BRD10: variants seen among roughly 807,000 people sequenced by gnomAD.
BRD10 encodes bromodomain containing 10.
the BRD10 span, among the ~76,000 whole-genome samples, chr9:5,930,445 G>A: frequency 6.1e-5 from 9 of 148,254 alleles, no homozygotes; most frequent in South Asian, 2.1e-4. Context: ...CCTGTGTGAC[G>A]AACAGTACAG....
At chr9:5,924,993 T>C in the BRD10 span, 34 of 557,108 alleles carry the variant, frequency 6.1e-5, no homozygotes, top group Middle Eastern at 1.0e-3. Context: ...CTAAGATGCT[T>C]AGTTCAGTCT....
the BRD10 span, among the ~76,000 whole-genome samples, chr9:5,990,766 A>G: frequency 6.6e-6 from 1 of 152,236 alleles, no homozygotes; most frequent in Non-Finnish European, 1.5e-5. Context: ...GGAAGGAAAA[A>G]TTCTTAAACA....
chr9:6,008,190 G>A, the BRD10 span: 5 of 972,382 alleles, frequency 5.1e-6, no homozygotes, highest in African/African-American at 1.8e-5. Flanking sequence ...GGGCGAGGAG[G>A]AAGGGGGTTC....
chr9:5,985,645 T>C, the BRD10 span, among the ~76,000 whole-genome samples: 1 of 151,804 alleles, frequency 6.6e-6, no homozygotes, highest in Non-Finnish European at 1.5e-5. Flanking sequence ...ATTAGCCGGG[T>C]GTGGTGGTGC....
At chr9:5,913,822 A>T in the BRD10 span, 9 of 221,336 alleles carry the variant, frequency 4.1e-5, no homozygotes, top group South Asian at 4.8e-4. Context: ...AGAAAATCAA[A>T]TAAATCACTT....
chr9:5,935,181 CTT>C, the BRD10 span, among the ~76,000 whole-genome samples: 1 of 152,168 alleles, frequency 6.6e-6, no homozygotes, highest in African/African-American at 2.4e-5. Flanking sequence ...ATTATTTTCT[CTT>C]GATACTCTTA....
the BRD10 span, among the ~76,000 whole-genome samples, chr9:5,889,806 G>C: frequency 6.6e-6 from 1 of 152,000 alleles, no homozygotes; most frequent in African/African-American, 2.4e-5. Flanking sequence ...ATGTGTTTGA[G>C]CCTAGTTATA....
chr9:5,970,916 G>T, the BRD10 span, among the ~76,000 whole-genome samples: 482 of 152,050 alleles, frequency 3.2e-3, 2 homozygotes, highest in African/African-American at 0.011. Flanking sequence ...GCTGGGCATG[G>T]TGGCACATGC....
the BRD10 span, chr9:5,924,877 A>C: frequency 1.0e-5 from 14 of 1,348,658 alleles, no homozygotes; most frequent in African/African-American, 1.5e-5. Flanking sequence ...AATAAATAAT[A>C]CATATGATTT....
At chr9:5,968,749 A>C in the BRD10 span, 9 of 1,613,800 alleles carry the variant, frequency 5.6e-6, no homozygotes, top group Admixed American at 1.7e-5. Flanking sequence ...GTGGAATTGG[A>C]AATTCTGGGG....
chr9:5,916,857 C>CGTAA, the BRD10 span, among the ~76,000 whole-genome samples: 1 of 152,050 alleles, frequency 6.6e-6, no homozygotes, highest in East Asian at 1.9e-4. Flanking sequence ...TATAGACGCC[C>CGTAA]TTTACAGAAC....
chr9:5,978,876 A>G, the BRD10 span, among the ~76,000 whole-genome samples: 1 of 152,230 alleles, frequency 6.6e-6, no homozygotes, highest in East Asian at 1.9e-4. Flanking sequence ...TAAGAAGTAT[A>G]TACCTGCTCA....
the BRD10 span, among the ~76,000 whole-genome samples, chr9:5,925,358 CAA>C: frequency 1.1e-3 from 124 of 116,164 alleles, no homozygotes; most frequent in South Asian, 2.5e-3. Flanking sequence ...GACTCCATCT[CAA>C]AAAAAAAAAA....
chr9:5,923,964 C>A, the BRD10 span, among the ~76,000 whole-genome samples: 1 of 152,140 alleles, frequency 6.6e-6, no homozygotes, highest in Non-Finnish European at 1.5e-5. Context: ...ATCTGATAAA[C>A]TGAAATGAAT....
the BRD10 span, among the ~76,000 whole-genome samples, chr9:5,982,069 T>TATA: frequency 6.9e-6 from 1 of 144,800 alleles, no homozygotes; most frequent in Non-Finnish European, 1.5e-5. Context: ...ATATATATAT[T>TATA]ATTTTTAAGT....
chr9:5,929,205 T>C, the BRD10 span: 3 of 991,908 alleles, frequency 3.0e-6, no homozygotes, highest in Admixed American at 6.5e-5. Context: ...ATTCTAAAAG[T>C]AAATGTCAAA....
the BRD10 span, among the ~76,000 whole-genome samples, chr9:5,985,896 A>C: frequency 6.6e-6 from 1 of 152,222 alleles, no homozygotes; most frequent in Non-Finnish European, 1.5e-5. Flanking sequence ...AAGTACAAGG[A>C]AACTAGATGG....
the BRD10 span, among the ~76,000 whole-genome samples, chr9:5,998,139 T>C: frequency 6.6e-6 from 1 of 152,136 alleles, no homozygotes; most frequent in Non-Finnish European, 1.5e-5. Context: ...GTTTTGAACA[T>C]GTTAAAGTTT....
chr9:5,911,176 G>A, the BRD10 span, among the ~76,000 whole-genome samples: 1 of 152,218 alleles, frequency 6.6e-6, no homozygotes, highest in African/African-American at 2.4e-5. Context: ...ATAATTTGAG[G>A]TCTTAGATTT....
Sources: allele counts gnomAD v4.1 joint callset (sites outside exome capture counted in the v4.1 genomes callset), GRCh38; gene constraint gnomAD v4.1.1; transcripts MANE v1.5; gene names NCBI Gene and HGNC (gene_info 2026-07-23, HGNC 2026-07-21).